STX19: variants seen among roughly 807,000 people sequenced by gnomAD.
STX19 encodes syntaxin-19.
Under a neutral mutation model 24.3 loss-of-function variants are expected in STX19, and 26 were observed. The ratio of observed to expected loss-of-function variants is 1.07; its 90% CI spans 0.78 to 1.48. STX19 has a LOEUF of 1.48. STX19 is among the 40% of genes most tolerant of loss of function. The pLI, the probability that STX19 is intolerant of heterozygous loss-of-function variation, is 0.00. For synonymous variants in STX19, 116 were observed against 106.9 expected (o/e 1.09, Z -0.52); for missense variants, 367 against 331.9 (o/e 1.11, Z -0.82).
At chr3:94,017,832 A>G (rs1364159635) in intron 1 of STX19, among the ~76,000 whole-genome samples, 1 of 152,140 alleles carries the variant, frequency 6.6e-6, no homozygotes, top group African/African-American at 2.4e-5. Flanking sequence ...TGAGACTGAT[A>G]TGTTTTAGGA....
At chr3:94,023,715 C>T (rs2076498038) in intron 1 of STX19, among the ~76,000 whole-genome samples, 1 of 152,040 alleles carries the variant, frequency 6.6e-6, no homozygotes, top group Non-Finnish European at 1.5e-5. Flanking sequence ...TCTTTTTCCC[C>T]TATTGTCTAT....
rs746990099 is a variant in STX19 at position 94,014,481 on chromosome 3, A to G, written c.789T>C (p.Asn263=). 6.2e-6 allele frequency: 10 copies of G among 1,609,138 alleles called. No homozygotes were observed. The highest frequency in any genetic ancestry group is 1.7e-5 in the Admixed American group (1 of 59,008). ...TVNSTKEYVN[N]TKEKFGLAVK... Reference sequence around the variant, plus strand: ...CAGCTAGTCCAAATTTCTCTTTAGTATTGTTAACATACTCTTTTGTACTAT... The same window carrying G: ...CAGCTAGTCCAAATTTCTCTTTAGTGTTGTTAACATACTCTTTTGTACTAT... The change falls in exon 2 of 2, where the codon AAT becomes AAC. Residue 263 remains asparagine, a synonymous_variant. Coordinates refer to ENST00000315099, the MANE Select transcript of STX19 (RefSeq NM_001001850.3).
intron 1 of STX19, among the ~76,000 whole-genome samples, chr3:94,019,466 A>G (rs1026573742): frequency 6.6e-6 from 1 of 152,054 alleles, no homozygotes; most frequent in African/African-American, 2.4e-5. Flanking sequence ...AAGTGCTGGG[A>G]TTACAGGCAT....
rs1290328462 is a variant in STX19 at position 94,024,128 on chromosome 3, AAATT to A, written c.-14+4235_-14+4238del. 4.6e-5 allele frequency among the ~76,000 whole-genome samples: 7 copies of A among 152,320 alleles called. No homozygotes were observed. In the East Asian group the frequency reaches 7.7e-4, roughly 17 times the overall value. On this transcript the variant is annotated intron_variant, in intron 1 of 1. Coordinates refer to ENST00000315099, the MANE Select transcript of STX19 (RefSeq NM_001001850.3). ...CTTGTCACTATGAATTGTTTTTTAA[AAATT>A]AATTAATTAATCAATTAATAGAGAA...
At chr3:94,017,342 A>G (rs1172177917) in intron 1 of STX19, among the ~76,000 whole-genome samples, 12 of 152,208 alleles carry the variant, frequency 7.9e-5, no homozygotes, top group South Asian at 2.1e-4. Flanking sequence ...GATTCAATAT[A>G]AAGAAGACTT....
intron 1 of STX19, among the ~76,000 whole-genome samples, chr3:94,028,098 GCTTA>G (rs1202779409): frequency 1.3e-5 from 2 of 152,066 alleles, no homozygotes; most frequent in East Asian, 1.9e-4. Flanking sequence ...TTAAATGAGA[GCTTA>G]CTTTTTAAAA....
chr3:94,014,720 C>A lies in STX19; in HGVS notation c.550G>T (p.Asp184Tyr). Reference protein sequence around the residue: ...GKEMSEEDVNDMLHQGKWEVF... With the variant: ...GKEMSEEDVNYMLHQGKWEVF... ...TCCCATTTTCCTTGATGAAGCATAT[C>A]ATTTACATCTTCTTCAGACATCTCT... Residue 184 changes from aspartate (D) to tyrosine (Y), a missense_variant, in exon 2 of 2, where the codon GAT becomes TAT. Asp to Tyr is a radical substitution (Grantham distance 160, BLOSUM62 -3). Coordinates refer to ENST00000315099, the MANE Select transcript of STX19 (RefSeq NM_001001850.3). 2 of 1,612,916 alleles carry A rather than the reference C, an allele frequency of 1.2e-6. No homozygotes were observed. The highest frequency in any genetic ancestry group is 1.3e-5 in the African/African-American group (1 of 74,984).
intron 1 of STX19, among the ~76,000 whole-genome samples, chr3:94,017,416 C>G (rs982049372): frequency 6.6e-6 from 1 of 152,180 alleles, no homozygotes; most frequent in African/African-American, 2.4e-5. Context: ...AGTTTGCCAT[C>G]ACTGGACATT....
At chr3:94,022,889 AC>A (rs2076479299) in intron 1 of STX19, among the ~76,000 whole-genome samples, 1 of 152,052 alleles carries the variant, frequency 6.6e-6, no homozygotes, top group Non-Finnish European at 1.5e-5. Context: ...TTTTGTACAT[AC>A]ATCACTAATT....
rs2107001452 is a variant in STX19 at position 94,021,220 on chromosome 3, G to T, written c.-13-5938C>A. Among the ~76,000 whole-genome samples the T allele has an allele frequency of 2.0e-5, 3 of 150,104 alleles. No homozygotes were observed. The South Asian group carries it at 6.3e-4, about 32-fold the overall frequency. ...TATATAATTTTTTTTTTGAGACAGG[G>T]TCTCGCTCTGTTACCCAGGCTGGAG... On this transcript the variant is annotated intron_variant, in intron 1 of 1. Coordinates refer to ENST00000315099, the MANE Select transcript of STX19 (RefSeq NM_001001850.3).
intron 1 of STX19, among the ~76,000 whole-genome samples, chr3:94,022,162 C>G (rs2076462595): frequency 6.6e-6 from 1 of 151,960 alleles, no homozygotes; most frequent in Non-Finnish European, 1.5e-5. Flanking sequence ...TCGCTGTTGT[C>G]ACCCAGGCTG....
At chr3:94,027,664 A>G (rs993922482) in intron 1 of STX19, among the ~76,000 whole-genome samples, 2 of 152,080 alleles carry the variant, frequency 1.3e-5, no homozygotes, top group Non-Finnish European at 2.9e-5. Flanking sequence ...CATAGTAACA[A>G]TTATAACTTT....
chr3:94,020,205 T>C (rs1361281294), intron 1 of STX19, among the ~76,000 whole-genome samples: 2 of 152,202 alleles, frequency 1.3e-5, no homozygotes, highest in Admixed American at 6.5e-5. Flanking sequence ...ATGAGTCTTA[T>C]ATTTACTTGA....
intron 1 of STX19, among the ~76,000 whole-genome samples, chr3:94,015,573 AG>A (rs1407758007): frequency 6.6e-6 from 1 of 152,186 alleles, no homozygotes; most frequent in East Asian, 1.9e-4. Flanking sequence ...GTCACATGAT[AG>A]TTTTTTTTTG....
At chr3:94,022,907 A>G (rs1460729012) in intron 1 of STX19, among the ~76,000 whole-genome samples, 1 of 152,048 alleles carries the variant, frequency 6.6e-6, no homozygotes, top group Non-Finnish European at 1.5e-5. Context: ...AATTCATTCT[A>G]AAACTGAAGT....
intron 1 of STX19, among the ~76,000 whole-genome samples, chr3:94,020,318 A>T (rs566358476): frequency 6.8e-4 from 104 of 152,288 alleles, no homozygotes; most frequent in African/African-American, 2.4e-3. Context: ...TATTGTCATG[A>T]TCTCTATTCT....
chr3:94,024,800 C>A (rs2076522286), intron 1 of STX19, among the ~76,000 whole-genome samples: 1 of 152,044 alleles, frequency 6.6e-6, no homozygotes, highest in Non-Finnish European at 1.5e-5. Context: ...GTTGCTCAGG[C>A]TGATCTCTAA....
intron 1 of STX19, among the ~76,000 whole-genome samples, chr3:94,020,562 G>A (rs1396891500): frequency 1.3e-5 from 2 of 152,114 alleles, no homozygotes; most frequent in Non-Finnish European, 2.9e-5. Flanking sequence ...AGGCAATTAG[G>A]TCAGTTAAGT....
rs190978395 is a variant in STX19, at chr3:94,027,499, A to G, written c.-14+868T>C. ...TTTATCTGATTCAAGTAAGCTGTAC[A>G]TACATAAAATGATTTTTATATTACA... On this transcript the variant is annotated intron_variant, in intron 1 of 1. Coordinates refer to ENST00000315099, the MANE Select transcript of STX19 (RefSeq NM_001001850.3). Among the ~76,000 whole-genome samples the G allele has an allele frequency of 2.0e-5, 3 of 152,240 alleles. No homozygotes were observed. In the East Asian group the frequency reaches 5.8e-4, roughly 29 times the overall value.
Sources: gnomAD v4.1 joint callset for allele counts (sites outside exome capture counted in the v4.1 genomes callset) on GRCh38, gnomAD v4.1.1 for gene constraint, MANE v1.5 for transcripts, NCBI Gene and HGNC (gene_info 2026-07-23, HGNC 2026-07-21) for gene names.